Variants in KMT2D observed in about 807,000 individuals in gnomAD.
The protein encoded by KMT2D is lysine methyltransferase 2D.
A neutral mutation model predicts 512.7 loss-of-function variants in KMT2D; 55 were observed. That is an observed-to-expected ratio of 0.11 (90% CI 0.09 to 0.13). The LOEUF is 0.13. Among genes scored for constraint, KMT2D ranks in the 10% least tolerant of loss-of-function variants. The pLI, the probability that KMT2D is intolerant of heterozygous loss-of-function variation, is 1.00. For synonymous variants in KMT2D, 2,995 were observed against 2,904.0 expected, an observed-to-expected ratio of 1.03 and a Z score of -1.01; for missense variants, 6,061 against 7,127.9, an observed-to-expected ratio of 0.85 and a Z score of 5.39.
In KMT2D at chr12:49,041,256, G is replaced by C. The variant is rs2120544041; in HGVS notation, c.6514C>G (p.Pro2172Ala). Residue 2172 changes from proline to alanine, a missense_variant, in exon 32 of 55, where the codon CCT (proline) becomes GCT (alanine). Pro to Ala is a conservative substitution (Grantham distance 27, BLOSUM62 -1). Around this residue, in one of 16 missense-constraint regions of KMT2D, gnomAD observed 710 missense variants for 647.3 expected, o/e 1.10. Coordinates refer to ENST00000301067, the MANE Select transcript of KMT2D (RefSeq NM_003482.4). This position sits in a 1 kb window ranked among gnomAD's most constrained non-coding sequence, Gnocchi z 5.4. ...GCCAGTCCAAAGGGGTCCTGCGAAG[G>C]CACTTGGGCGGGCACCTGGGGTGGG... ...KLPPQVPAQV[P>A]SQDPFGLAPA... 6.6e-7 allele frequency: 1 copy of C among 1,516,828 alleles called. No individual in the cohort carries two copies. The highest frequency in any genetic ancestry group is 8.8e-7 in the Non-Finnish European group (1 of 1,136,794). 94.0% of individuals were successfully genotyped at this position (1,516,828 alleles called of 1,614,324 possible).
intron 46 of KMT2D, 102 bp downstream of exon 46, chr12:49,028,725 AG>A: frequency 7.0e-7 from 1 of 1,438,320 alleles, no homozygotes; most frequent in Admixed American, 1.9e-5. Context: ...ATAGGTACTC[AG>A]TACATGTGCT....
rs778075211 is a variant in KMT2D, at chr12:49,031,344, G to C, written c.13361C>G (p.Pro4454Arg). The C allele has an allele frequency of 3.7e-6, 6 of 1,613,462 alleles. No homozygotes were observed. The highest frequency in any genetic ancestry group is 4.2e-6 in the Non-Finnish European group (5 of 1,179,908). Reference sequence around the variant, plus strand: ...GAGCAGATGCCCAGCTTCTGAGCGAGGGCCTGCCAGCAGGAGGTGGTTGCT... The same window carrying C: ...GAGCAGATGCCCAGCTTCTGAGCGACGGCCTGCCAGCAGGAGGTGGTTGCT... ...GTSNHLLLAG[P>R]RSEAGHLLLQ... Residue 4454 changes from proline to arginine, a missense_variant, in exon 40 of 55, where the codon CCT becomes CGT. Pro to Arg is a moderately radical substitution (Grantham distance 103, BLOSUM62 -2). Around this residue, in one of 16 missense-constraint regions of KMT2D, gnomAD observed 1,600 missense variants for 1,754.9 expected, o/e 0.91. Coordinates refer to ENST00000301067, the MANE Select transcript of KMT2D (RefSeq NM_003482.4).
intron 41 of KMT2D, 36 bp from the exon 42 acceptor site, chr12:49,030,804 A>G (rs1192159845): frequency 1.2e-6 from 2 of 1,613,078 alleles, no homozygotes; most frequent in African/African-American, 1.3e-5. Context: ...CAAAACCTGC[A>G]GCGTTTGCAT....
chr12:49,043,285 G>T, intron 25 of KMT2D, 78 bp downstream of exon 25: 2 of 1,556,554 alleles, frequency 1.3e-6, no homozygotes, highest in Non-Finnish European at 1.8e-6. Flanking sequence ...CTCCAACACT[G>T]ACAATGCTCA....
chr12:49,019,097 CA>C lies in KMT2D; in HGVS notation c.*2682del. 1 of 1,195,356 alleles carries C rather than the reference CA, an allele frequency of 8.4e-7. No homozygotes were observed. The highest frequency in any genetic ancestry group is 1.0e-6 in the Non-Finnish European group (1 of 958,840). 74.0% of individuals were successfully genotyped at this position (1,195,356 alleles called of 1,614,324 possible). On this transcript the variant is annotated 3_prime_UTR_variant, in exon 55 of 55. Coordinates refer to ENST00000301067, the MANE Select transcript of KMT2D (RefSeq NM_003482.4). Reference sequence around the variant, plus strand: ...GTACAGTTCAGAATGATCGCTGATACAAAACATGCCAAGGACAGGGGCGCTG... The same window carrying C: ...GTACAGTTCAGAATGATCGCTGATACAAACATGCCAAGGACAGGGGCGCTG...
At chr12:49,025,076 TC>T in intron 49 of KMT2D, 130 bp from the exon 50 acceptor site, 1 of 1,084,476 alleles carries the variant, frequency 9.2e-7, no homozygotes, top group Non-Finnish European at 1.3e-6. Context: ...GTGTTGGTCT[TC>T]CAGATCCTCT....
chr12:49,054,962 C>T lies in KMT2D; in HGVS notation c.114G>A (p.Val38=), dbSNP rs754881554. Reference sequence around the variant, plus strand: ...CAGAACTAAGGACAGAGACCTCTCCCACATGTGGGTTGGGCAGGTCTGACT... The same window carrying T: ...CAGAACTAAGGACAGAGACCTCTCCTACATGTGGGTTGGGCAGGTCTGACT... ...ATESDLPNPH[V]GEVSVLSSGS... The change falls in exon 3 of 55, where the codon GTG becomes GTA. Residue 38 remains valine, a synonymous_variant. Transcript: ENST00000301067. This position sits in a 1 kb window ranked among gnomAD's most constrained non-coding sequence, Gnocchi z 6.4. 11 of 1,613,900 alleles carry T rather than the reference C, an allele frequency of 6.8e-6. No homozygotes were observed. The highest frequency in any genetic ancestry group is 9.3e-6 in the Non-Finnish European group (11 of 1,179,910).
rs2120441919 is a variant in KMT2D, at chr12:49,033,329, A to G, written c.11376T>C (p.Pro3792=). ...HQGLLVQQLS[P]QPPQGPQGML... is the part of the protein sequence containing the mutation. ...TGCCCTGGGGCCCCTGGGGTGGTTG[A>G]GGGGACAGCTGCTGGACCAGGAGGC... is the stretch of plus-strand genomic sequence containing the variant. Residue 3792 remains proline, a synonymous_variant, in exon 40 of 55, where the codon CCT becomes CCC. Coordinates refer to ENST00000301067, the MANE Select transcript of KMT2D (RefSeq NM_003482.4). 1 of 1,593,900 alleles carries G rather than the reference A, an allele frequency of 6.3e-7. No homozygotes were observed. The highest frequency in any genetic ancestry group is 8.5e-7 in the Non-Finnish European group (1 of 1,170,528).
rs1263057118 is a variant in KMT2D at position 49,029,153 on chromosome 12, G to A, written c.14159C>T (p.Pro4720Leu). The A allele has an allele frequency of 1.2e-6, 2 of 1,613,866 alleles. No individual in the cohort carries two copies. The highest frequency in any genetic ancestry group is 1.7e-5 in the Admixed American group (1 of 60,020). The change falls in exon 45 of 55, where the codon CCT becomes CTT. Residue 4720 changes from proline (P) to leucine (L), a missense_variant. Physicochemically the swap from Pro to Leu is moderately conservative, Grantham distance 98. This residue lies in a region of KMT2D where 1,600 missense variants were observed against 1,754.9 expected (regional missense o/e 0.91). Coordinates refer to ENST00000301067, the MANE Select transcript of KMT2D (RefSeq NM_003482.4). ...SPESILGEEA[P>L]RFPHLGSGRW... is the part of the protein sequence containing the mutation. ...GCCTGAGCCCAGATGAGGGAAACGAGGGGCCTCCTCCCCCAAGATGCTCTC... is the reference window on the plus strand; with the variant it reads ...GCCTGAGCCCAGATGAGGGAAACGAAGGGCCTCCTCCCCCAAGATGCTCTC...
Position 49,030,809 on chromosome 12 carries a change from T to C in KMT2D, c.13672-41A>G, listed in dbSNP as rs796965184. On this transcript the variant is annotated intron_variant, in intron 41 of 54. Transcript: ENST00000301067. ...TGACAAAGTTCAAAACCTGCAGCGT[T>C]TGCATCGCTGTCTTGCACAGCTGGG... 3 of 1,612,852 alleles carry C rather than the reference T, an allele frequency of 1.9e-6. No homozygotes were observed. The African/African-American group carries it at 4.0e-5, about 22-fold the overall frequency.
At position 49,031,675 on chromosome 12, in the gene KMT2D, G is replaced by C; in HGVS notation, c.13030C>G (p.Pro4344Ala). The change falls in exon 40 of 55, where the codon CCC becomes GCC. Residue 4344 changes from proline (P) to alanine (A), a missense_variant. Pro to Ala is a conservative substitution (Grantham distance 27, BLOSUM62 -1). This residue lies in a region of KMT2D where 1,600 missense variants were observed against 1,754.9 expected (regional missense o/e 0.91). Transcript: ENST00000301067. ...TCCAAGGTTGGCCCCTGAGGTTTGG[G>C]GGTCCCTGGATGGGTGGGAGGGAGC... ...AQLPPTHPGT[P>A]KPQGPTLEPP... The C allele has an allele frequency of 6.2e-7, 1 of 1,610,884 alleles. No homozygotes were observed. The highest frequency in any genetic ancestry group is 8.5e-7 in the Non-Finnish European group (1 of 1,178,722).
Position 49,040,501 on chromosome 12 carries a change from AGACTGGGAGCTG to A in KMT2D, c.7257_7268del (p.Ser2420_Ser2423del). The A allele has an allele frequency of 6.3e-7, 1 of 1,585,432 alleles. No individual in the cohort carries two copies. The highest frequency in any genetic ancestry group is 8.6e-7 in the Non-Finnish European group (1 of 1,163,512). ...CAGACAGAGGCCGGGGTGTCAGTGG[AGACTGGGAGCTG>A]GACTGGGACTGAGGACTGGCAGGCA... On this transcript the variant is annotated inframe_deletion, in exon 32 of 55. Transcript: ENST00000301067.
Position 49,053,682 on chromosome 12 carries a change from T to C in KMT2D, c.674-41A>G, listed in dbSNP as rs1445023949. ...ACACCACAGGTCAGCTATGGATTCC[T>C]TGTAAGCCTCAGCACATTGCTGTAC... On this transcript the variant is annotated intron_variant, in intron 6 of 54. Coordinates refer to ENST00000301067, the MANE Select transcript of KMT2D (RefSeq NM_003482.4). The C allele has an allele frequency of 2.0e-5, 31 of 1,557,356 alleles. No homozygotes were observed. The East Asian group carries it at 7.2e-4, about 36-fold the overall frequency.
At position 49,037,176 on chromosome 12, in the gene KMT2D, G is replaced by A. The variant is rs2120475157; in HGVS notation, c.10180C>T (p.Gln3394Ter). 6.3e-7 allele frequency: 1 copy of A among 1,599,102 alleles called. No homozygotes were observed. The highest frequency in any genetic ancestry group is 2.2e-5 in the East Asian group (1 of 44,512). Residue 3394 changes from glutamine to a stop codon, truncating the protein, a stop_gained, in exon 35 of 55, where the codon CAG (glutamine) becomes TAG (stop). Transcript: ENST00000301067. LOFTEE classifies it high-confidence loss of function. ...AGCTGCTGCTGCATTGCCAATTGCT[G>A]CGGCTTCATGCACATGGAAGGTGGC... is the stretch of plus-strand genomic sequence containing the variant. ...TMPPSMCMKP[Q>*]QLAMQQQLAN...
rs1178769010 is a variant in KMT2D at position 49,034,073 on chromosome 12, C to G, written c.10734G>C (p.Leu3578=). The G allele has an allele frequency of 1.2e-6, 2 of 1,612,068 alleles. No homozygotes were observed. Among genetic ancestry groups the G allele is most frequent in the Admixed American group, 1.7e-5 (1 of 59,958 alleles). ...GAAGTTTGCTTTCCCCCACCTGATCCAGTTGTTTCTGGATCTTGCTCTGCT... is the reference window on the plus strand; with the variant it reads ...GAAGTTTGCTTTCCCCCACCTGATCGAGTTGTTTCTGGATCTTGCTCTGCT... ...TEQQSKIQKQ[L]DQVRKQQKEH... The change falls in exon 39 of 55, where the codon CTG becomes CTC. Residue 3578 remains leucine (L), a synonymous_variant. Coordinates refer to ENST00000301067, the MANE Select transcript of KMT2D (RefSeq NM_003482.4).
In KMT2D at chr12:49,022,935, C is replaced by G. The variant is rs1942396551; in HGVS notation, c.16053-60G>C. On this transcript the variant is annotated intron_variant, in intron 51 of 54. Transcript: ENST00000301067. The surrounding 1 kb of genome is among the most constrained non-coding windows in gnomAD (Gnocchi z 8.6). ...TCCCTCAGACCAAGTACATACCACC[C>G]ACCTCCTCTGCCACCTCCTGGGATG... 3 of 1,475,350 alleles carry G rather than the reference C, an allele frequency of 2.0e-6. No homozygotes were observed. The highest frequency in any genetic ancestry group is 2.7e-6 in the Non-Finnish European group (3 of 1,101,702). The allele number at this position is 1,475,350 out of a possible 1,614,324, so 91.4% of individuals were successfully genotyped here. A position where few individuals can be genotyped will look rare whatever the true frequency, so the allele number is the denominator to read the frequency against.
Position 49,051,454 on chromosome 12 carries a change from C to T in KMT2D, c.2229G>A (p.Leu743=), listed in dbSNP as rs764176883. 48 of 1,613,018 alleles carry T rather than the reference C, an allele frequency of 3.0e-5. No individual in the cohort carries two copies. In the South Asian group the frequency reaches 4.9e-4, roughly 17 times the overall value. Residue 743 remains leucine (L), a synonymous_variant, in exon 11 of 55, where the codon CTG becomes CTA. Coordinates refer to ENST00000301067, the MANE Select transcript of KMT2D (RefSeq NM_003482.4). The part of the protein sequence containing the change: ...QLCPRSEGPH[L]SPRPEEPHLS... ...GGTGCGGCTCCTCAGGCCGGGGTGA[C>T]AGGTGCGGCCCCTCGGACCGGGGGC...
chr12:49,042,285 G>A lies in KMT2D; in HGVS notation c.5913C>T (p.Ser1971=), dbSNP rs548965753. 8.7e-5 allele frequency: 136 copies of A among 1,565,202 alleles called. 1 individual carries two copies. In the South Asian group the frequency reaches 1.4e-3, roughly 16 times the overall value. ...TGGTGCCACCTGAGCCCGTCCAGGG[G>A]CTGTCGGGCTCACCGGGTTCCGGGC... ...FFSPEPGEPD[S]PWTGSGGTTP... is the part of the protein sequence containing the mutation. Residue 1971 remains serine, a synonymous_variant, in exon 29 of 55, where the codon AGC becomes AGT. Coordinates refer to ENST00000301067, the MANE Select transcript of KMT2D (RefSeq NM_003482.4). This position sits in a 1 kb window ranked among gnomAD's most constrained non-coding sequence, Gnocchi z 4.4.
chr12:49,042,445 G>A lies in KMT2D; in HGVS notation c.5868-115C>T, dbSNP rs1183859605. 8.6e-6 allele frequency: 13 copies of A among 1,512,704 alleles called. No individual in the cohort carries two copies. The highest frequency in any genetic ancestry group is 4.1e-5 in the Admixed American group (2 of 49,200). The allele number at this position is 1,512,704 out of a possible 1,614,324, so 93.7% of individuals were successfully genotyped here. A position where few individuals can be genotyped will look rare whatever the true frequency, so the allele number is the denominator to read the frequency against. On this transcript the variant is annotated intron_variant, in intron 28 of 54. Transcript: ENST00000301067. The surrounding 1 kb of genome is among the most constrained non-coding windows in gnomAD (Gnocchi z 4.4). Reference sequence around the variant, plus strand: ...CCCAAAAGAGGAGGGTCACTAACAAGGGAATGGGGAGGAGCAGGGGAAGTG... The same window carrying A: ...CCCAAAAGAGGAGGGTCACTAACAAAGGAATGGGGAGGAGCAGGGGAAGTG...
Sources: allele counts gnomAD v4.1 joint callset, GRCh38; gene constraint gnomAD v4.1.1; regional missense constraint gnomAD v4.1.1; non-coding constraint Gnocchi (gnomAD v3.1); transcripts MANE v1.5; gene names NCBI Gene and HGNC (gene_info 2026-07-23, HGNC 2026-07-21).